The following CCDC178 variants were observed in gnomAD, a reference collection of about 807,000 sequenced individuals.
CCDC178 encodes the protein coiled-coil domain-containing protein 178.
A neutral mutation model predicts 117.4 loss-of-function variants in CCDC178; 126 were observed. That is an observed-to-expected ratio of 1.07 (90% CI 0.93 to 1.24). The LOEUF (loss-of-function observed/expected upper bound fraction) is 1.24, where lower values mean the gene tolerates loss of function less well. Among genes scored for constraint, CCDC178 ranks in the 50% most tolerant of loss-of-function variants. The probability of loss-of-function intolerance (pLI) is 0.00; values close to 1 mark genes in which losing one functional copy is unlikely to be tolerated. For missense variants in CCDC178, 1,030 were observed against 986.9 expected, an observed-to-expected ratio of 1.04 and a Z score of -0.59; for synonymous variants, 283 against 313.4, an observed-to-expected ratio of 0.90 and a Z score of 1.02.
intron 20 of CCDC178, among the ~76,000 whole-genome samples, chr18:33,099,243 T>G (rs1313667973): frequency 6.6e-6 from 1 of 152,064 alleles, no homozygotes; most frequent in East Asian, 1.9e-4. Context: ...GCATTACAAG[T>G]AATGTCAGTT....
At chr18:33,428,311 A>C (rs1386419543) in intron 2 of CCDC178, among the ~76,000 whole-genome samples, 1 of 152,194 alleles carries the variant, frequency 6.6e-6, no homozygotes. Flanking sequence ...AAAAACAAAA[A>C]TGATAGCTTA....
chr18:33,272,698 G>A (rs1211824845), intron 12 of CCDC178, among the ~76,000 whole-genome samples: 2 of 151,438 alleles, frequency 1.3e-5, no homozygotes, highest in African/African-American at 4.8e-5. Flanking sequence ...TATAGACCAC[G>A]ATGAAGTGAG....
At chr18:33,148,231 G>T (rs113639269) in intron 20 of CCDC178, among the ~76,000 whole-genome samples, 6 of 152,278 alleles carry the variant, frequency 3.9e-5, no homozygotes, top group Middle Eastern at 3.4e-3. Context: ...AGACCAGCCC[G>T]GCCAACACAG....
intron 9 of CCDC178, among the ~76,000 whole-genome samples, chr18:33,340,682 C>T (rs923600878): frequency 3.9e-5 from 6 of 152,240 alleles, no homozygotes; most frequent in African/African-American, 7.2e-5. Context: ...ACATAGAGCT[C>T]GGGTTGTGGC....
intron 19 of CCDC178, among the ~76,000 whole-genome samples, chr18:33,213,708 G>C (rs1248484802): frequency 6.6e-6 from 1 of 151,996 alleles, no homozygotes; most frequent in Non-Finnish European, 1.5e-5. Flanking sequence ...TTCTCACAGT[G>C]ATAAAACAAG....
At chr18:33,256,893 A>G (rs919173314) in intron 14 of CCDC178, among the ~76,000 whole-genome samples, 5 of 152,026 alleles carry the variant, frequency 3.3e-5, no homozygotes, top group African/African-American at 1.2e-4. Context: ...CTTTTTGGAT[A>G]GTGTTCTATT....
intron 20 of CCDC178, among the ~76,000 whole-genome samples, chr18:33,162,515 C>A (rs2058477865): frequency 6.6e-6 from 1 of 151,988 alleles, no homozygotes; most frequent in Non-Finnish European, 1.5e-5. Flanking sequence ...GTTTGTTGTA[C>A]ACATTTCATC....
intron 11 of CCDC178, chr18:33,323,141 A>C (rs565260322): frequency 6.4e-6 from 1 of 155,112 alleles, no homozygotes; most frequent in Admixed American, 6.5e-5. Flanking sequence ...TTGATACCTA[A>C]TTAGTTTTTA....
intron 11 of CCDC178, among the ~76,000 whole-genome samples, chr18:33,313,841 C>T (rs930354929): frequency 2.6e-5 from 4 of 152,118 alleles, no homozygotes; most frequent in Non-Finnish European, 5.9e-5. Context: ...CCTCAGGACA[C>T]CATTAATGCC....
intron 14 of CCDC178, among the ~76,000 whole-genome samples, chr18:33,255,906 G>A (rs2059673611): frequency 6.7e-6 from 1 of 148,456 alleles, no homozygotes; most frequent in Non-Finnish European, 1.5e-5. Context: ...ATGGCATCCT[G>A]AATCTCAAAA....
chr18:33,088,663 T>G lies in CCDC178; in HGVS notation c.2388+4098A>C, dbSNP rs555161457. Among the ~76,000 whole-genome samples the G allele has an allele frequency of 2.0e-5, 3 of 152,264 alleles. No homozygotes were observed. In the South Asian group the frequency reaches 6.2e-4, roughly 32 times the overall value. Reference sequence around the variant, plus strand: ...ATGAATTACAAGTGTTCTATGAGGATCAGAAGTATTCCCTAGAGGCCAACA... The same window carrying G: ...ATGAATTACAAGTGTTCTATGAGGAGCAGAAGTATTCCCTAGAGGCCAACA... On this transcript the variant is annotated intron_variant, in intron 21 of 22. Coordinates refer to ENST00000383096, the MANE Select transcript of CCDC178 (RefSeq NM_001105528.4).
chr18:33,356,075 C>T (rs139278303), intron 7 of CCDC178, among the ~76,000 whole-genome samples: 1 of 152,182 alleles, frequency 6.6e-6, no homozygotes, highest in East Asian at 1.9e-4. Context: ...CTGTAAAAGT[C>T]GATTCTGACT....
chr18:33,209,181 T>C (rs1185885244), intron 20 of CCDC178, among the ~76,000 whole-genome samples: 1 of 151,994 alleles, frequency 6.6e-6, no homozygotes, highest in Non-Finnish European at 1.5e-5. Context: ...TTGCAAATTA[T>C]AGACAGTTAG....
At chr18:33,362,234 G>T (rs1352251538) in intron 6 of CCDC178, among the ~76,000 whole-genome samples, 1 of 151,064 alleles carries the variant, frequency 6.6e-6, no homozygotes, top group Non-Finnish European at 1.5e-5. Context: ...AAAAAATGGA[G>T]AGCCTGTTAT....
At chr18:33,076,123 A>T (rs556793401) in intron 21 of CCDC178, among the ~76,000 whole-genome samples, 28 of 152,346 alleles carry the variant, frequency 1.8e-4, no homozygotes, top group Non-Finnish European at 3.7e-4. Context: ...ATAACGTAGT[A>T]AAGAATCATC....
chr18:33,109,359 A>G (rs1010259974), intron 20 of CCDC178, among the ~76,000 whole-genome samples: 1 of 151,690 alleles, frequency 6.6e-6, no homozygotes, highest in Non-Finnish European at 1.5e-5. Context: ...TTTCAAATCC[A>G]GAATATATCT....
intron 21 of CCDC178, among the ~76,000 whole-genome samples, chr18:33,003,112 A>G (rs1356969709): frequency 6.6e-6 from 1 of 152,166 alleles, no homozygotes; most frequent in African/African-American, 2.4e-5. Context: ...AGAAGAGCTA[A>G]TACCAATCCT....
intron 20 of CCDC178, among the ~76,000 whole-genome samples, chr18:33,209,549 A>G (rs2059083202): frequency 6.6e-6 from 1 of 152,042 alleles, no homozygotes; most frequent in Admixed American, 6.6e-5. Flanking sequence ...TTTACATTAC[A>G]TACACATTTA....
At chr18:33,261,536 A>C (rs995908738) in intron 14 of CCDC178, among the ~76,000 whole-genome samples, 2 of 152,194 alleles carry the variant, frequency 1.3e-5, no homozygotes, top group African/African-American at 4.8e-5. Context: ...GATGTTTCAA[A>C]ATTATATTGT....
Sources: allele counts gnomAD v4.1 joint callset (sites outside exome capture counted in the v4.1 genomes callset), GRCh38; gene constraint gnomAD v4.1.1; transcripts MANE v1.5; gene names NCBI Gene and HGNC (gene_info 2026-07-23, HGNC 2026-07-21).